HTR2A: variants seen among roughly 807,000 people sequenced by gnomAD.
HTR2A encodes 5-hydroxytryptamine receptor 2A.
In HTR2A, 14 loss-of-function variants were observed where a neutral mutation model predicts 31.0. That is an observed-to-expected ratio of 0.45 (90% CI 0.30 to 0.71). The LOEUF is 0.71. Ranked by LOEUF, HTR2A falls within the 30% of genes least tolerant of loss-of-function variation. HTR2A has a pLI of 0.09. For synonymous variants in HTR2A, 209 were observed against 225.2 expected (o/e 0.93, Z 0.64); for missense variants, 442 against 573.3 (o/e 0.77, Z 2.34).
chr13:46,853,143 T>C (rs1950701248), intron 3 of HTR2A, among the ~76,000 whole-genome samples: 4 of 152,156 alleles, frequency 2.6e-5, no homozygotes, highest in Admixed American at 2.6e-4. Context: ...TTATATCCCC[T>C]TCAGGGGATA....
intron 3 of HTR2A, among the ~76,000 whole-genome samples, chr13:46,852,746 A>G (rs538944979): frequency 6.6e-6 from 1 of 152,302 alleles, no homozygotes; most frequent in Non-Finnish European, 1.5e-5. Context: ...CATACAAGCT[A>G]TGGGTGTAAT....
At chr13:46,858,997 T>C (rs1180561087) in intron 3 of HTR2A, among the ~76,000 whole-genome samples, 2 of 152,248 alleles carry the variant, frequency 1.3e-5, no homozygotes, top group East Asian at 3.8e-4. Context: ...TTAATTACTT[T>C]CATCTGCAGT....
At chr13:46,836,068 A>C (rs772954080) in intron 3 of HTR2A, among the ~76,000 whole-genome samples, 7 of 151,956 alleles carry the variant, frequency 4.6e-5, no homozygotes, top group Non-Finnish European at 1.0e-4. Flanking sequence ...ATGAAAATCT[A>C]GAATATAGAT....
At position 46,896,186 on chromosome 13, in the gene HTR2A, A is replaced by G; in HGVS notation, c.-280T>C. ...GGACAAAAAAGCAGAATGAACTTTT[A>G]GCATAGAGGTTGCAGGGTTTTTTTT... On this transcript the variant is annotated 5_prime_UTR_variant, in exon 2 of 4. Transcript: ENST00000542664. 1 of 1,189,478 alleles carries G rather than the reference A, an allele frequency of 8.4e-7. No individual in the cohort carries two copies. Among genetic ancestry groups the G allele is most frequent in the Non-Finnish European group, 1.0e-6 (1 of 961,762 alleles). The allele number at this position is 1,189,478 out of a possible 1,614,324, so 73.7% of individuals were successfully genotyped here. A position where few individuals can be genotyped will look rare whatever the true frequency, so the allele number is the denominator to read the frequency against.
At position 46,879,188 on chromosome 13, in the gene HTR2A, C is replaced by T. The variant is rs1440127736; in HGVS notation, c.613+13202G>A. 2.0e-5 allele frequency among the ~76,000 whole-genome samples: 3 copies of T among 152,162 alleles called. No individual in the cohort carries two copies. The East Asian group carries it at 5.8e-4, about 29-fold the overall frequency. ...GCCTATGCTCTGTATTGGGGAGGAA[C>T]AGCACAGTTCAAGGTTAACACAAGA... is the stretch of plus-strand genomic sequence containing the variant. On this transcript the variant is annotated intron_variant, in intron 3 of 3. Transcript: ENST00000542664.
chr13:46,865,050 C>T (rs775165634), intron 3 of HTR2A, among the ~76,000 whole-genome samples: 11 of 152,224 alleles, frequency 7.2e-5, no homozygotes, highest in Non-Finnish European at 7.4e-5. Flanking sequence ...CCCTAAAACC[C>T]GAGCAGATGT....
intron 3 of HTR2A, among the ~76,000 whole-genome samples, chr13:46,839,775 C>T (rs1314124891): frequency 6.6e-6 from 1 of 152,082 alleles, no homozygotes; most frequent in Admixed American, 6.6e-5. Flanking sequence ...AACACAAAAG[C>T]TTTGGTTGGT....
chr13:46,896,557 A>T, intron 1 of HTR2A, 117 bp downstream of exon 1: 1 of 802,842 alleles, frequency 1.2e-6, no homozygotes, highest in Admixed American at 3.4e-5. Flanking sequence ...AGTAAAGATT[A>T]GCAGACAACT....
intron 3 of HTR2A, among the ~76,000 whole-genome samples, chr13:46,889,707 C>T (rs866424939): frequency 3.9e-4 from 60 of 152,114 alleles, no homozygotes; most frequent in African/African-American, 1.2e-3. Context: ...TTTAAAATTC[C>T]AGCTAGACTA....
At chr13:46,858,900 C>T (rs1029341614) in intron 3 of HTR2A, among the ~76,000 whole-genome samples, 13 of 152,202 alleles carry the variant, frequency 8.5e-5, no homozygotes, top group Non-Finnish European at 1.8e-4. Flanking sequence ...AGGGCAGATG[C>T]GCCATAAACC....
In HTR2A at chr13:46,833,836, T is replaced by C. The variant is rs1053130512; in HGVS notation, c.*1001A>G. ...GATCTGAAAGCATCAGTTTACCTGA[T>C]GAGTGTCATAGGAAAGTCACCTGCT... On this transcript the variant is annotated 3_prime_UTR_variant, in exon 4 of 4. Transcript: ENST00000542664. 5 of 152,210 alleles carry C rather than the reference T, an allele frequency of 3.3e-5. No individual in the cohort carries two copies. The highest frequency in any genetic ancestry group is 2.6e-4 in the Admixed American group (4 of 15,268). 9.4% of individuals were successfully genotyped at this position (152,210 alleles called of 1,614,324 possible).
chr13:46,848,021 T>G (rs965448150), intron 3 of HTR2A, among the ~76,000 whole-genome samples: 2 of 152,202 alleles, frequency 1.3e-5, no homozygotes, highest in African/African-American at 4.8e-5. Flanking sequence ...AACAGTCTGG[T>G]TGGCTGAGAC....
At chr13:46,846,986 C>A (rs1395021331) in intron 3 of HTR2A, among the ~76,000 whole-genome samples, 1 of 152,212 alleles carries the variant, frequency 6.6e-6, no homozygotes, top group East Asian at 1.9e-4. Flanking sequence ...GTGGCTGACT[C>A]CTCCTGTTTG....
chr13:46,883,662 C>T (rs542834567), intron 3 of HTR2A, among the ~76,000 whole-genome samples: 1 of 152,196 alleles, frequency 6.6e-6, no homozygotes, highest in Admixed American at 6.5e-5. Flanking sequence ...GAAAAGAAAC[C>T]ATCCTGAGGA....
intron 3 of HTR2A, among the ~76,000 whole-genome samples, chr13:46,868,357 C>G (rs1950835280): frequency 6.6e-6 from 1 of 152,186 alleles, no homozygotes; most frequent in Non-Finnish European, 1.5e-5. Context: ...TGAGATTTAA[C>G]ATTTGCACAA....
chr13:46,871,491 A>G (rs947897345), intron 3 of HTR2A, among the ~76,000 whole-genome samples: 3 of 152,218 alleles, frequency 2.0e-5, no homozygotes, highest in Non-Finnish European at 4.4e-5. Flanking sequence ...TTTCTACCCT[A>G]TACTCATCCA....
intron 3 of HTR2A, among the ~76,000 whole-genome samples, chr13:46,870,502 A>G (rs1950855867): frequency 6.6e-6 from 1 of 152,236 alleles, no homozygotes; most frequent in Non-Finnish European, 1.5e-5. Context: ...GATACATTGT[A>G]TGTGGCAGAC....
upstream of HTR2A, chr13:46,897,062 C>T (rs925713749): frequency 1.8e-5 from 9 of 508,062 alleles, no homozygotes; most frequent in Non-Finnish European, 3.1e-5. Flanking sequence ...CTGACTGTCT[C>T]GTTCATTTCA....
intron 3 of HTR2A, among the ~76,000 whole-genome samples, chr13:46,891,117 C>T (rs1006700096): frequency 5.3e-5 from 8 of 152,188 alleles, no homozygotes; most frequent in Admixed American, 1.3e-4. Context: ...GAGACATGAT[C>T]CAGTAAGCCA....
Sources: allele counts gnomAD v4.1 joint callset (sites outside exome capture counted in the v4.1 genomes callset), GRCh38; gene constraint gnomAD v4.1.1; transcripts MANE v1.5; gene names NCBI Gene and HGNC (gene_info 2026-07-23, HGNC 2026-07-21).